The following RREB1 variants were observed in gnomAD, a reference collection of about 807,000 sequenced individuals.
The protein encoded by RREB1 is ras responsive element binding protein 1, also known as ras-responsive element-binding protein 1.
In RREB1, 27 loss-of-function variants were observed where a neutral mutation model predicts 117.8. That is an observed-to-expected ratio of 0.23 (90% CI 0.17 to 0.32). RREB1 has a LOEUF of 0.32. RREB1 is among the 10% of genes least tolerant of loss of function. RREB1 has a pLI of 1.00. For missense variants in RREB1, 2,577 were observed against 2,378.2 expected (o/e 1.08, Z -1.74); for synonymous variants, 1,298 against 1,026.7 (o/e 1.26, Z -5.05).
At chr6:7,188,187 A>C (rs1409921778) in intron 5 of RREB1, among the ~76,000 whole-genome samples, 2 of 151,830 alleles carry the variant, frequency 1.3e-5, no homozygotes, top group Non-Finnish European at 2.9e-5. Flanking sequence ...AAATCTCAAA[A>C]TAAATAAATA....
In RREB1 at chr6:7,248,681, G is replaced by A. The variant is rs771915198; in HGVS notation, c.4942G>A (p.Gly1648Ser). The A allele has an allele frequency of 3.1e-6, 5 of 1,614,136 alleles. No homozygotes were observed. The highest frequency in any genetic ancestry group is 1.7e-5 in the Admixed American group (1 of 60,020). ...CAGCGAGAATGAGTCCACCCACAGC[G>A]GCAACAACGCCGTCTCAGAGAACGA... ...EDSENESTHS[G>S]NNAVSENEAE... The change falls in exon 13 of 13, where the codon GGC becomes AGC. Residue 1648 changes from glycine (G) to serine (S), a missense_variant. Gly to Ser is a moderately conservative substitution (Grantham distance 56, BLOSUM62 0). Coordinates refer to ENST00000379938, the MANE Select transcript of RREB1 (RefSeq NM_001003699.4).
chr6:7,244,371 G>A (rs192217847), intron 11 of RREB1, among the ~76,000 whole-genome samples: 1 of 151,970 alleles, frequency 6.6e-6, no homozygotes, highest in Non-Finnish European at 1.5e-5. Flanking sequence ...CCAGGAGTTC[G>A]AGACCAGCCT....
In RREB1 at chr6:7,251,487, C is replaced by CTCTTGTTTTTTTTTTTTTTTTTTTT. The variant is rs1428901114; in HGVS notation, c.*2523_*2524insGTTTTTTTTTTTTTTTTTTTTTCTT. The CTCTTGTTTTTTTTTTTTTTTTTTTT allele has an allele frequency of 1.6e-5, 2 of 123,974 alleles. 1 individual carries two copies. The allele number at this position is 123,974 out of a possible 1,614,324, so 7.7% of individuals were successfully genotyped here. On this transcript the variant is annotated 3_prime_UTR_variant, in exon 13 of 13. Transcript: ENST00000379938. ...AAGTTTTTTGAGGTGCAAGTTTTTTCTCTTTTTTTTTTTTTTTTTTTTTTC... is the reference window on the plus strand; with the variant it reads ...AAGTTTTTTGAGGTGCAAGTTTTTTCTCTTGTTTTTTTTTTTTTTTTTTTTTCTTTTTTTTTTTTTTTTTTTTTTC...
intron 1 of RREB1, among the ~76,000 whole-genome samples, chr6:7,171,533 G>T (rs779358943): frequency 6.6e-6 from 1 of 152,188 alleles, no homozygotes; most frequent in Non-Finnish European, 1.5e-5. Flanking sequence ...GCTCTACCAC[G>T]CAGCAGCTCT....
At chr6:7,177,359 C>G (rs540438561) in intron 2 of RREB1, among the ~76,000 whole-genome samples, 66 of 145,114 alleles carry the variant, frequency 4.5e-4, no homozygotes, top group Non-Finnish European at 3.0e-4. Flanking sequence ...ACATCTCTCT[C>G]TTTTTTTTTT....
intron 8 of RREB1, among the ~76,000 whole-genome samples, chr6:7,221,199 T>G (rs1767227401): frequency 6.6e-6 from 1 of 151,748 alleles, no homozygotes; most frequent in African/African-American, 2.4e-5. Flanking sequence ...TCTCGCTCTG[T>G]CGCCCAGGCC....
At chr6:7,226,994 A>C (rs2113093217) in intron 9 of RREB1, among the ~76,000 whole-genome samples, 1 of 152,278 alleles carries the variant, frequency 6.6e-6, no homozygotes, top group Non-Finnish European at 1.5e-5. Context: ...TAACGCCAGC[A>C]CTTTGTGAGG....
intron 1 of RREB1, among the ~76,000 whole-genome samples, chr6:7,117,563 A>G (rs1013668974): frequency 6.7e-6 from 1 of 150,140 alleles, no homozygotes; most frequent in Non-Finnish European, 1.5e-5. Flanking sequence ...CTACCACCAC[A>G]CCCAGCTAAT....
At chr6:7,127,380 A>G (rs1185819009) in intron 1 of RREB1, among the ~76,000 whole-genome samples, 2 of 152,016 alleles carry the variant, frequency 1.3e-5, no homozygotes, top group East Asian at 3.9e-4. Flanking sequence ...TTTTTTTACA[A>G]GAGATTTTTC....
chr6:7,246,791 G>A lies in RREB1; in HGVS notation c.4341G>A (p.Lys1447=), dbSNP rs1398700792. 4 of 1,551,572 alleles carry A rather than the reference G, an allele frequency of 2.6e-6. No individual in the cohort carries two copies. Among genetic ancestry groups the A allele is most frequent in the Non-Finnish European group, 3.5e-6 (4 of 1,148,816 alleles). ...GGGGCGCGGCCTCGCAGGAGCAGAAGCTCGCCTGCGACACCTGTGGGAAGA... is the reference window on the plus strand; with the variant it reads ...GGGGCGCGGCCTCGCAGGAGCAGAAACTCGCCTGCGACACCTGTGGGAAGA... ...GAGGAASQEQ[K]LACDTCGKSF... The change falls in exon 12 of 13, where the codon AAG becomes AAA. Residue 1447 remains lysine (K), a synonymous_variant. Coordinates refer to ENST00000379938, the MANE Select transcript of RREB1 (RefSeq NM_001003699.4).
At chr6:7,238,901 C>A (rs1052426950) in intron 10 of RREB1, among the ~76,000 whole-genome samples, 1 of 152,226 alleles carries the variant, frequency 6.6e-6, no homozygotes, top group Non-Finnish European at 1.5e-5. Flanking sequence ...CTGATTATTA[C>A]TCCTGATGTG....
In RREB1 at chr6:7,247,078, A is replaced by G. The variant is rs1395519596; in HGVS notation, c.4628A>G (p.Lys1543Arg). 1 of 1,613,716 alleles carries G rather than the reference A, an allele frequency of 6.2e-7. No individual in the cohort carries two copies. The highest frequency in any genetic ancestry group is 8.5e-7 in the Non-Finnish European group (1 of 1,179,938). The change falls in exon 12 of 13, where the codon AAG (lysine) becomes AGG (arginine). Residue 1543 changes from lysine to arginine, a missense_variant. Coordinates refer to ENST00000379938, the MANE Select transcript of RREB1 (RefSeq NM_001003699.4). ...GCGGCCGAGAAAAGGTCCTCAGAGA[A>G]GAGCGACGATGACAAGAAACCAAAG... is the stretch of plus-strand genomic sequence containing the variant. Reference protein sequence around the residue: ...ESAAEKRSSEKSDDDKKPKTD... With the variant: ...ESAAEKRSSERSDDDKKPKTD...
chr6:7,195,138 T>C (rs1173684072), intron 6 of RREB1, among the ~76,000 whole-genome samples: 1 of 152,098 alleles, frequency 6.6e-6, no homozygotes, highest in East Asian at 1.9e-4. Flanking sequence ...TTGAGTAAAT[T>C]GAGAGTGATT....
intron 1 of RREB1, among the ~76,000 whole-genome samples, chr6:7,154,697 G>C (rs1763279568): frequency 6.6e-6 from 1 of 152,200 alleles, no homozygotes; most frequent in Admixed American, 6.5e-5. Context: ...TACCACTGCT[G>C]GCAAGTGGTA....
chr6:7,165,729 G>T (rs886912595), intron 1 of RREB1, among the ~76,000 whole-genome samples: 1 of 152,226 alleles, frequency 6.6e-6, no homozygotes, highest in Non-Finnish European at 1.5e-5. Flanking sequence ...CTTCTCTGAA[G>T]TGTGCGCATC....
At chr6:7,133,631 A>G (rs1296148278) in intron 1 of RREB1, among the ~76,000 whole-genome samples, 1 of 152,258 alleles carries the variant, frequency 6.6e-6, no homozygotes, top group Non-Finnish European at 1.5e-5. Flanking sequence ...AGAAAAAACA[A>G]GTTATCCTAA....
At chr6:7,222,170 C>T (rs977908213) in intron 8 of RREB1, among the ~76,000 whole-genome samples, 1 of 152,196 alleles carries the variant, frequency 6.6e-6, no homozygotes, top group African/African-American at 2.4e-5. Flanking sequence ...AGCAGATTCT[C>T]ACACCTAACT....
At chr6:7,237,050 G>C (rs530152134) in intron 10 of RREB1, among the ~76,000 whole-genome samples, 17 of 151,932 alleles carry the variant, frequency 1.1e-4, no homozygotes, top group African/African-American at 3.4e-4. Context: ...AGCTTCCCAA[G>C]TAGCTGGGAC....
intron 10 of RREB1, 110 bp from the exon 11 acceptor site, chr6:7,240,328 G>A: frequency 1.4e-6 from 1 of 694,876 alleles, no homozygotes; most frequent in Non-Finnish European, 2.3e-6. Context: ...TTGAAGGGAT[G>A]GAGGAGGGGG....
Sources: allele counts gnomAD v4.1 joint callset (sites outside exome capture counted in the v4.1 genomes callset), GRCh38; gene constraint gnomAD v4.1.1; transcripts MANE v1.5; gene names NCBI Gene and HGNC (gene_info 2026-07-23, HGNC 2026-07-21).